PCDHA4: variants seen among roughly 807,000 people sequenced by gnomAD.
PCDHA4 encodes protocadherin alpha-4.
A neutral mutation model predicts 61.4 loss-of-function variants in PCDHA4; 49 were observed. That is an observed-to-expected ratio of 0.80 (90% CI 0.63 to 1.01). The LOEUF (loss-of-function observed/expected upper bound fraction) is 1.01, where lower values mean the gene tolerates loss of function less well. PCDHA4 is among the 50% of genes least tolerant of loss of function. The pLI is 0.00. For synonymous variants in PCDHA4, 590 were observed against 550.3 expected (o/e 1.07, Z -1.01); for missense variants, 1,254 against 1,235.8 (o/e 1.01, Z -0.22).
At chr5:140,877,240 G>A (rs1481558429) in intron 1 of PCDHA4, 2 of 1,613,736 alleles carry the variant, frequency 1.2e-6, no homozygotes, top group Non-Finnish European at 1.7e-6. Context: ...TGCGGGCCAC[G>A]TGGTGGCGAA....
Position 140,823,401 on chromosome 5 carries a change from G to A in PCDHA4, c.2385+13829G>A, listed in dbSNP as rs2150125561. 1.6e-5 allele frequency: 25 copies of A among 1,612,904 alleles called. 1 individual carries two copies. The South Asian group carries it at 2.2e-4, about 14-fold the overall frequency. On this transcript the variant is annotated intron_variant, in intron 1 of 3. Coordinates refer to ENST00000530339, the MANE Select transcript of PCDHA4 (RefSeq NM_018907.4). Reference sequence around the variant, plus strand: ...TGAGCGCGCGCGACGCGGGCGTGCCGCCTCTGGGCAGCAACGTGACGCTGC... The same window carrying A: ...TGAGCGCGCGCGACGCGGGCGTGCCACCTCTGGGCAGCAACGTGACGCTGC...
chr5:140,924,909 AAT>A (rs1563069038), intron 1 of PCDHA4, among the ~76,000 whole-genome samples: 1,502 of 66,200 alleles, frequency 0.023, 33 homozygotes, highest in African/African-American at 0.07. Context: ...AAAAAAATAA[AAT>A]AAAATAAAAT....
intron 1 of PCDHA4, chr5:140,877,657 G>A: frequency 6.2e-7 from 1 of 1,613,570 alleles, no homozygotes; most frequent in Non-Finnish European, 8.5e-7. Flanking sequence ...GCCGCCCACC[G>A]TGAGCCGGTG....
chr5:140,854,089 G>A, intron 1 of PCDHA4: 1 of 266,188 alleles, frequency 3.8e-6, no homozygotes, highest in Non-Finnish European at 5.6e-6. Flanking sequence ...TTGAGCCTGG[G>A]ACATTGAGGC....
intron 1 of PCDHA4, chr5:140,875,795 T>C (rs782073142): frequency 1.2e-6 from 2 of 1,613,786 alleles, no homozygotes. Context: ...CACCTGGAGG[T>C]GATCGTGGAC....
chr5:140,898,670 C>T (rs574817267), intron 1 of PCDHA4, among the ~76,000 whole-genome samples: 20 of 152,200 alleles, frequency 1.3e-4, no homozygotes, highest in South Asian at 6.2e-4. Context: ...CTTGGTGTTG[C>T]GGGCTGTTTT....
At chr5:140,942,821 G>A (rs2093373988) in intron 1 of PCDHA4, among the ~76,000 whole-genome samples, 1 of 151,968 alleles carries the variant, frequency 6.6e-6, no homozygotes, top group African/African-American at 2.4e-5. Flanking sequence ...GTTGGATTTG[G>A]CCCTGTGTCA....
intron 1 of PCDHA4, chr5:140,861,620 A>G: frequency 2.9e-6 from 1 of 340,898 alleles, no homozygotes; most frequent in South Asian, 2.8e-5. Context: ...ACAACCTGCC[A>G]GTGTTCTCAG....
At chr5:140,876,164 C>G in intron 1 of PCDHA4, 5 of 1,613,950 alleles carry the variant, frequency 3.1e-6, no homozygotes, top group Non-Finnish European at 4.2e-6. Context: ...ATTCAAATAA[C>G]CGTCCTGGAT....
At chr5:140,850,264 T>A in intron 1 of PCDHA4, 1 of 1,594,136 alleles carries the variant, frequency 6.3e-7, no homozygotes, top group Non-Finnish European at 8.6e-7. Flanking sequence ...GCCGGCGTAG[T>A]GGTGGGGAAG....
Position 141,010,029 on chromosome 5 carries a change from A to G in PCDHA4, c.*92A>G, listed in dbSNP as rs2098415771. 1.1e-5 allele frequency: 17 copies of G among 1,580,452 alleles called. No individual in the cohort carries two copies. In the Admixed American group the frequency reaches 3.1e-4, roughly 29 times the overall value. On this transcript the variant is annotated 3_prime_UTR_variant, in exon 4 of 4. Coordinates refer to ENST00000530339, the MANE Select transcript of PCDHA4 (RefSeq NM_018907.4). ...AATTCCCTGCTCCTTTTTCCTATCT[A>G]CATGAGCCCTCTTAGAGACCTCAGA...
rs150544958 is a variant in PCDHA4, at chr5:140,940,065, T to C, written c.2386-38884T>C. ...TATTAGATTCTTAACCAAATATAAA[T>C]ATGTGATATCTTTCTGCTAAATTGA... On this transcript the variant is annotated intron_variant, in intron 1 of 3. Coordinates refer to ENST00000530339, the MANE Select transcript of PCDHA4 (RefSeq NM_018907.4). Among the ~76,000 whole-genome samples the C allele has an allele frequency of 2.1e-3, 313 of 152,364 alleles. 1 individual carries two copies. Among genetic ancestry groups the C allele is most frequent in the African/African-American group, 7.1e-3 (295 of 41,596 alleles).
chr5:140,874,818 T>C (rs1169923118), intron 1 of PCDHA4, among the ~76,000 whole-genome samples: 8 of 152,256 alleles, frequency 5.3e-5, no homozygotes, highest in Admixed American at 5.2e-4. Flanking sequence ...ACAATTTATA[T>C]AAATGAAATA....
rs147219331 is a variant in PCDHA4, at chr5:140,927,900, T to C, written c.2386-51049T>C. On this transcript the variant is annotated intron_variant, in intron 1 of 3. Transcript: ENST00000530339. Reference sequence around the variant, plus strand: ...TGGAGGTGACTGACGTGAACGATCATGCCCCCGAACTGGACTTCCTGACTC... The same window carrying C: ...TGGAGGTGACTGACGTGAACGATCACGCCCCCGAACTGGACTTCCTGACTC... 2,142 of 1,614,232 alleles carry C rather than the reference T, an allele frequency of 1.3e-3. 2 individuals are homozygous for C. The highest frequency in any genetic ancestry group is 1.7e-3 in the Non-Finnish European group (2,053 of 1,180,040).
At chr5:140,884,186 G>T in intron 1 of PCDHA4, 1 of 1,613,444 alleles carries the variant, frequency 6.2e-7, no homozygotes, top group East Asian at 2.2e-5. Context: ...TCTGGACGAG[G>T]TGGACGCGCC....
chr5:140,911,480 G>A (rs2075504387), intron 1 of PCDHA4, among the ~76,000 whole-genome samples: 1 of 152,142 alleles, frequency 6.6e-6, no homozygotes, highest in African/African-American at 2.4e-5. Flanking sequence ...CTCTCACTCA[G>A]GGCAATCTTA....
At chr5:140,815,498 T>C (rs1447684497) in intron 1 of PCDHA4, 1 of 151,538 alleles carries the variant, frequency 6.6e-6, no homozygotes, top group Non-Finnish European at 1.5e-5. Flanking sequence ...TTTTATGTTA[T>C]TGATGTCATA....
At chr5:140,997,476 A>G (rs782742177) in intron 3 of PCDHA4, among the ~76,000 whole-genome samples, 1 of 152,196 alleles carries the variant, frequency 6.6e-6, no homozygotes, top group Admixed American at 6.5e-5. Flanking sequence ...TTTTTACACA[A>G]TGATAAGTAT....
At chr5:140,895,235 C>T (rs1554186440) in intron 1 of PCDHA4, among the ~76,000 whole-genome samples, 2 of 152,236 alleles carry the variant, frequency 1.3e-5, no homozygotes, top group East Asian at 1.9e-4. Context: ...GTTTTCTCAT[C>T]TCTCTTTTCA....
Sources: allele counts gnomAD v4.1 joint callset (sites outside exome capture counted in the v4.1 genomes callset), GRCh38; gene constraint gnomAD v4.1.1; transcripts MANE v1.5; gene names NCBI Gene and HGNC (gene_info 2026-07-23, HGNC 2026-07-21).